The following TRHDE variants were observed in gnomAD, a reference collection of about 807,000 sequenced individuals.
The protein encoded by TRHDE is thyrotropin-releasing hormone-degrading ectoenzyme.
Under a neutral mutation model 125.7 loss-of-function variants are expected in TRHDE, and 72 were observed. The observed-to-expected ratio is 0.57, with a 90% CI of 0.47 to 0.70. The LOEUF (loss-of-function observed/expected upper bound fraction) is 0.70, where lower values mean the gene tolerates loss of function less well. Ranked by LOEUF, TRHDE falls within the 30% of genes least tolerant of loss-of-function variation. The pLI, the probability that TRHDE is intolerant of heterozygous loss-of-function variation, is 0.00. For missense variants in TRHDE, 1,110 were observed against 1,327.1 expected (o/e 0.84, Z 2.54); for synonymous variants, 509 against 509.1 (o/e 1.00, Z 0.00).
At chr12:72,482,897 A>G (rs1877236812) in intron 5 of TRHDE, among the ~76,000 whole-genome samples, 1 of 151,976 alleles carries the variant, frequency 6.6e-6, no homozygotes, top group African/African-American at 2.4e-5. Flanking sequence ...CCCTAGTTTT[A>G]AAACAGGGAA....
intron 3 of TRHDE, among the ~76,000 whole-genome samples, chr12:72,407,262 G>C (rs1488989711): frequency 1.3e-5 from 2 of 152,322 alleles, no homozygotes; most frequent in South Asian, 2.1e-4. Context: ...ACTTGCATGT[G>C]AGAAAACTAA....
chr12:72,400,160 T>C lies in TRHDE; in HGVS notation c.1315+22039T>C, dbSNP rs1427808925. On this transcript the variant is annotated intron_variant, in intron 3 of 18. Transcript: ENST00000261180. The stretch of plus-strand genomic sequence containing the variant: ...GATACCTATATTAAAATTTTCTATC[T>C]GATTAGGCAAGGGTATCTGCTTGTA... Among the ~76,000 whole-genome samples the C allele has an allele frequency of 2.0e-5, 3 of 152,244 alleles. No homozygotes were observed. In the East Asian group the frequency reaches 5.8e-4, roughly 29 times the overall value.
chr12:72,641,448 T>C (rs1461279573), intron 15 of TRHDE, among the ~76,000 whole-genome samples: 1 of 152,208 alleles, frequency 6.6e-6, no homozygotes, highest in Non-Finnish European at 1.5e-5. Context: ...GAGGCAGATG[T>C]TAAGATCCTC....
At chr12:72,357,307 G>A (rs577674866) in intron 2 of TRHDE, among the ~76,000 whole-genome samples, 67 of 151,512 alleles carry the variant, frequency 4.4e-4, no homozygotes, top group Admixed American at 1.1e-3. Flanking sequence ...ATACCAAGAT[G>A]TTTTTACTTG....
intron 2 of TRHDE, among the ~76,000 whole-genome samples, chr12:72,112,520 G>T (rs1006918595): frequency 6.6e-6 from 1 of 152,070 alleles, no homozygotes; most frequent in African/African-American, 2.4e-5. Flanking sequence ...CACACAGTAG[G>T]TACCACCTAT....
At chr12:72,476,090 T>C (rs557392136) in intron 5 of TRHDE, among the ~76,000 whole-genome samples, 25 of 152,212 alleles carry the variant, frequency 1.6e-4, no homozygotes, top group Non-Finnish European at 1.5e-5. Context: ...CTAATTTTTG[T>C]ATTTTTTGCA....
Position 72,380,970 on chromosome 12 carries a change from T to C in TRHDE, c.1315+2849T>C, listed in dbSNP as rs116394401. On this transcript the variant is annotated intron_variant, in intron 3 of 18. Coordinates refer to ENST00000261180, the MANE Select transcript of TRHDE (RefSeq NM_013381.3). ...TAAGCAGAGGCATTGTAGAATCTGA[T>C]TAATGTTGTAAAGGGTCATTCTGTG... Among the ~76,000 whole-genome samples, 729 of 152,138 alleles carry C rather than the reference T, an allele frequency of 4.8e-3. 5 individuals are homozygous for C. The highest frequency in any genetic ancestry group is 0.016 in the African/African-American group (668 of 41,466).
chr12:72,232,529 G>A (rs1347561201), intron 2 of TRHDE, among the ~76,000 whole-genome samples: 1 of 152,020 alleles, frequency 6.6e-6, no homozygotes, highest in Non-Finnish European at 1.5e-5. Context: ...CCTAGTCAGC[G>A]AGGGCCCAGA....
chr12:72,518,760 G>C (rs1879017073), intron 6 of TRHDE, among the ~76,000 whole-genome samples: 1 of 152,064 alleles, frequency 6.6e-6, no homozygotes, highest in Admixed American at 6.5e-5. Flanking sequence ...TTACATTTTG[G>C]CATGATTTTG....
chr12:72,628,836 G>T (rs1011873962), intron 15 of TRHDE, among the ~76,000 whole-genome samples: 1 of 151,798 alleles, frequency 6.6e-6, no homozygotes, highest in Admixed American at 6.6e-5. Flanking sequence ...CTTAAATAGT[G>T]GTTATACCTG....
intron 17 of TRHDE, among the ~76,000 whole-genome samples, chr12:72,655,990 G>A (rs886847643): frequency 6.6e-6 from 1 of 152,074 alleles, no homozygotes; most frequent in Non-Finnish European, 1.5e-5. Flanking sequence ...TAAATTAGAT[G>A]CTTAAGAGCC....
intron 2 of TRHDE, among the ~76,000 whole-genome samples, chr12:72,251,077 TATA>T (rs1878673855): frequency 6.6e-6 from 1 of 152,030 alleles, no homozygotes; most frequent in African/African-American, 2.4e-5. Flanking sequence ...ATAACTATAG[TATA>T]ATATCACAAA....
At chr12:72,427,697 A>C (rs1874250135) in intron 3 of TRHDE, among the ~76,000 whole-genome samples, 1 of 152,164 alleles carries the variant, frequency 6.6e-6, no homozygotes. Flanking sequence ...TTTAGATAAC[A>C]TAAGGGGAAC....
chr12:72,616,693 A>T (rs894190391), intron 12 of TRHDE, among the ~76,000 whole-genome samples: 2 of 152,142 alleles, frequency 1.3e-5, no homozygotes, highest in African/African-American at 4.8e-5. Flanking sequence ...AACGAGATTC[A>T]AGCAACTTTC....
chr12:72,417,822 A>G (rs1319386132), intron 3 of TRHDE, among the ~76,000 whole-genome samples: 1 of 151,964 alleles, frequency 6.6e-6, no homozygotes, highest in African/African-American at 2.4e-5. Context: ...TTTTAAGTTT[A>G]CTGACCAGAT....
chr12:72,189,644 A>G (rs986433391), intron 2 of TRHDE, among the ~76,000 whole-genome samples: 3 of 152,302 alleles, frequency 2.0e-5, no homozygotes, highest in Non-Finnish European at 2.9e-5. Flanking sequence ...GTGATTTGGG[A>G]TATGAAGGGA....
intron 7 of TRHDE, among the ~76,000 whole-genome samples, chr12:72,559,408 G>A (rs1230028937): frequency 6.6e-6 from 1 of 152,166 alleles, no homozygotes; most frequent in Non-Finnish European, 1.5e-5. Flanking sequence ...CCTTGTGTTT[G>A]AACCAAGGCA....
At chr12:72,335,482 A>G (rs1869790591) in intron 2 of TRHDE, among the ~76,000 whole-genome samples, 1 of 152,166 alleles carries the variant, frequency 6.6e-6, no homozygotes, top group South Asian at 2.1e-4. Context: ...GGCACCAAAC[A>G]CCAAACTGTA....
intron 2 of TRHDE, among the ~76,000 whole-genome samples, chr12:72,296,754 G>A (rs1592526965): frequency 6.6e-6 from 1 of 152,210 alleles, no homozygotes; most frequent in South Asian, 2.1e-4. Flanking sequence ...AAGTTAAAAA[G>A]AAAAGAATAA....
Sources: allele counts gnomAD v4.1 joint callset (sites outside exome capture counted in the v4.1 genomes callset), GRCh38; gene constraint gnomAD v4.1.1; transcripts MANE v1.5; gene names NCBI Gene and HGNC (gene_info 2026-07-23, HGNC 2026-07-21).